Variants in SRPK1 observed in about 807,000 individuals in gnomAD.
SRPK1 encodes SFRS protein kinase 1.
A neutral mutation model predicts 89.5 loss-of-function variants in SRPK1; 52 were observed. The ratio of observed to expected loss-of-function variants is 0.58; its 90% confidence interval spans 0.46 to 0.73. SRPK1 has a LOEUF of 0.73. Ranked by LOEUF, SRPK1 falls within the 30% of genes least tolerant of loss-of-function variation. The pLI, the probability that SRPK1 is intolerant of heterozygous loss-of-function variation, is 0.00. For missense variants in SRPK1, 603 were observed against 780.6 expected (o/e 0.77, Z 2.71); for synonymous variants, 255 against 270.2 (o/e 0.94, Z 0.55).
chr6:35,861,823 C>A (rs1481519416), intron 12 of SRPK1, among the ~76,000 whole-genome samples: 1 of 152,226 alleles, frequency 6.6e-6, no homozygotes, highest in Non-Finnish European at 1.5e-5. Context: ...TAACTCCCCA[C>A]AGTTTCTTGC....
At chr6:35,908,353 T>C (rs1431516229) in intron 2 of SRPK1, among the ~76,000 whole-genome samples, 1 of 152,088 alleles carries the variant, frequency 6.6e-6, no homozygotes, top group East Asian at 1.9e-4. Context: ...AACAATGAAG[T>C]CCAGGCTGAA....
At position 35,886,715 on chromosome 6, in the gene SRPK1, A is replaced by G; in HGVS notation, c.478+9T>C. On this transcript the variant is annotated intron_variant, in intron 6 of 15. Coordinates refer to ENST00000373825, the MANE Select transcript of SRPK1 (RefSeq NM_003137.5). ...TGATTTATTCTCAAATAGGTTTTTAAAAGGATACGTGTTCCATTAACTCCT... is the reference window on the plus strand; with the variant it reads ...TGATTTATTCTCAAATAGGTTTTTAGAAGGATACGTGTTCCATTAACTCCT... The G allele has an allele frequency of 6.6e-7, 1 of 1,510,914 alleles. No homozygotes were observed. 93.6% of individuals were successfully genotyped at this position (1,510,914 alleles called of 1,614,324 possible). A position where few individuals can be genotyped will look rare whatever the true frequency, so the allele number is the denominator to read the frequency against.
chr6:35,854,478 C>A (rs1769625992), intron 13 of SRPK1, among the ~76,000 whole-genome samples: 1 of 152,084 alleles, frequency 6.6e-6, no homozygotes, highest in South Asian at 2.1e-4. Flanking sequence ...TGTCGACTGG[C>A]AAAATAAAAA....
At chr6:35,872,871 CAAAT>C in intron 7 of SRPK1, 143 bp from the exon 8 acceptor site, 3 of 722,640 alleles carry the variant, frequency 4.2e-6, no homozygotes, top group Admixed American at 4.0e-5. Flanking sequence ...TAAAAAAGCA[CAAAT>C]AAACTTTCTC....
At position 35,886,831 on chromosome 6, in the gene SRPK1, G is replaced by C. The variant is rs1227432307; in HGVS notation, c.391-20C>G. ...GCGAACCTGTAGTGGGGAAGAGACA[G>C]TGTTTAGCACAAGGTAAAGCATGGA... is the stretch of plus-strand genomic sequence containing the variant. On this transcript the variant is annotated intron_variant, in intron 5 of 15. Coordinates refer to ENST00000373825, the MANE Select transcript of SRPK1 (RefSeq NM_003137.5). 1 of 1,421,674 alleles carries C rather than the reference G, an allele frequency of 7.0e-7. No individual in the cohort carries two copies. The highest frequency in any genetic ancestry group is 9.9e-7 in the Non-Finnish European group (1 of 1,006,114). 88.1% of individuals were successfully genotyped at this position (1,421,674 alleles called of 1,614,324 possible).
At chr6:35,857,737 G>T (rs1018605031) in intron 12 of SRPK1, among the ~76,000 whole-genome samples, 1 of 152,114 alleles carries the variant, frequency 6.6e-6, no homozygotes, top group Non-Finnish European at 1.5e-5. Context: ...CAAAGTGCTG[G>T]GATTACAGGC....
chr6:35,909,727 G>A (rs1770922422), intron 2 of SRPK1, among the ~76,000 whole-genome samples: 1 of 152,208 alleles, frequency 6.6e-6, no homozygotes, highest in African/African-American at 2.4e-5. Flanking sequence ...TCTCATGATA[G>A]TTCTCACGAG....
chr6:35,848,643 C>CA (rs1196233955), intron 13 of SRPK1, among the ~76,000 whole-genome samples: 8 of 151,934 alleles, frequency 5.3e-5, no homozygotes, highest in African/African-American at 1.2e-4. Flanking sequence ...ATGGTCCTGG[C>CA]AAAAAAAGCA....
Position 35,866,525 on chromosome 6 carries a change from G to A in SRPK1, c.1512+2485C>T, listed in dbSNP as rs150968147. Among the ~76,000 whole-genome samples the A allele has an allele frequency of 4.8e-3, 737 of 152,250 alleles. 5 individuals carry two copies. The highest frequency in any genetic ancestry group is 0.017 in the African/African-American group (695 of 41,534). ...TGCTTGAACCTGGGAGGCAGAGGCT[G>A]CAGTGAGCAGAGATCGCACCACTGC... On this transcript the variant is annotated intron_variant, in intron 12 of 15. Transcript: ENST00000373825.
intron 13 of SRPK1, among the ~76,000 whole-genome samples, chr6:35,853,921 G>A (rs1769613105): frequency 1.3e-5 from 2 of 148,196 alleles, no homozygotes; most frequent in African/African-American, 5.0e-5. Flanking sequence ...TCTCACTGTT[G>A]TGTTCTTCAC....
chr6:35,904,398 T>C (rs964363662), intron 2 of SRPK1, among the ~76,000 whole-genome samples: 1 of 152,124 alleles, frequency 6.6e-6, no homozygotes, highest in Non-Finnish European at 1.5e-5. Context: ...CTTGCAACAG[T>C]CAGCCTATTA....
At chr6:35,861,952 C>T (rs1769791579) in intron 12 of SRPK1, among the ~76,000 whole-genome samples, 1 of 152,150 alleles carries the variant, frequency 6.6e-6, no homozygotes, top group South Asian at 2.1e-4. Context: ...CTGCAACTGC[C>T]ACCCAGCTGG....
At chr6:35,861,776 C>T (rs1243134949) in intron 12 of SRPK1, among the ~76,000 whole-genome samples, 1 of 152,206 alleles carries the variant, frequency 6.6e-6, no homozygotes, top group Non-Finnish European at 1.5e-5. Flanking sequence ...ATACCTAAGA[C>T]AACAGGCTTT....
In SRPK1 at chr6:35,835,180, A is replaced by C; in HGVS notation, c.*124T>G. 1 of 944,578 alleles carries C rather than the reference A, an allele frequency of 1.1e-6. No individual in the cohort carries two copies. The highest frequency in any genetic ancestry group is 2.7e-5 in the East Asian group (1 of 37,548). The allele number at this position is 944,578 out of a possible 1,614,324, so 58.5% of individuals were successfully genotyped here. A position where few individuals can be genotyped will look rare whatever the true frequency, so the allele number is the denominator to read the frequency against. On this transcript the variant is annotated 3_prime_UTR_variant, in exon 16 of 16. Transcript: ENST00000373825. Reference sequence around the variant, plus strand: ...AACCCAAATGAACATGTTGGATTAAAAAAAAAACAAGATCTAGAAACTCTT... The same window carrying C: ...AACCCAAATGAACATGTTGGATTAACAAAAAAACAAGATCTAGAAACTCTT...
chr6:35,843,306 T>C (rs1156435195), intron 13 of SRPK1, among the ~76,000 whole-genome samples: 6 of 146,716 alleles, frequency 4.1e-5, no homozygotes, highest in East Asian at 2.0e-4. Flanking sequence ...TGGCTAGAAA[T>C]TGAGATTCTG....
At chr6:35,843,608 G>A (rs374112729) in intron 13 of SRPK1, among the ~76,000 whole-genome samples, 3 of 151,846 alleles carry the variant, frequency 2.0e-5, no homozygotes, top group East Asian at 3.9e-4. Flanking sequence ...ATGCCACCAC[G>A]CCCAGCTAAT....
chr6:35,889,712 AG>A (rs1159901289), intron 3 of SRPK1, among the ~76,000 whole-genome samples: 1 of 151,762 alleles, frequency 6.6e-6, no homozygotes, highest in African/African-American at 2.4e-5. Context: ...TGAACCCAGG[AG>A]GTGGAGGTTG....
intron 8 of SRPK1, among the ~76,000 whole-genome samples, chr6:35,871,204 T>C (rs2127246406): frequency 6.6e-6 from 1 of 152,272 alleles, no homozygotes; most frequent in South Asian, 2.1e-4. Flanking sequence ...CCAGGTAAAC[T>C]AAAGTTGCTA....
chr6:35,862,367 T>A (rs1769798690), intron 12 of SRPK1, among the ~76,000 whole-genome samples: 1 of 152,044 alleles, frequency 6.6e-6, no homozygotes, highest in Admixed American at 6.6e-5. Context: ...CAACCTAAAC[T>A]GTACCCTAAG....
Sources: allele counts gnomAD v4.1 joint callset (sites outside exome capture counted in the v4.1 genomes callset), GRCh38; gene constraint gnomAD v4.1.1; transcripts MANE v1.5; gene names NCBI Gene and HGNC (gene_info 2026-07-23, HGNC 2026-07-21).